METAP2: variants seen among roughly 807,000 people sequenced by gnomAD.
METAP2 encodes the protein methionine aminopeptidase 2.
In METAP2, 25 loss-of-function variants were observed where a neutral mutation model predicts 59.4. The ratio of observed to expected loss-of-function variants is 0.42; its 90% CI spans 0.31 to 0.59. The LOEUF (loss-of-function observed/expected upper bound fraction) is 0.59. Ranked by LOEUF, METAP2 falls within the 20% of genes least tolerant of loss-of-function variation. The pLI, the probability that METAP2 is intolerant of heterozygous loss-of-function variation, is 0.16. For missense variants in METAP2, 366 were observed against 581.2 expected (o/e 0.63, Z 3.81); for synonymous variants, 214 against 194.1 (o/e 1.10, Z -0.85).
At chr12:95,488,117 G>A (rs1478709174) in intron 4 of METAP2, among the ~76,000 whole-genome samples, 2 of 151,922 alleles carry the variant, frequency 1.3e-5, no homozygotes, top group Non-Finnish European at 2.9e-5. Context: ...TAGTGATTTC[G>A]AGCATCTTTT....
chr12:95,513,967 GAATT>G lies in METAP2; in HGVS notation c.*68_*71del. On this transcript the variant is annotated 3_prime_UTR_variant, in exon 11 of 11. Transcript: ENST00000323666. ...AGCTTTGTTGGAAAACATGATACCA[GAATT>G]AATTTGCCACATGTTGTCTGTTTTA... 1 of 1,517,590 alleles carries G rather than the reference GAATT, an allele frequency of 6.6e-7. No individual in the cohort carries two copies. Among genetic ancestry groups the G allele is most frequent in the East Asian group, 2.3e-5 (1 of 43,990 alleles). The allele number at this position is 1,517,590 out of a possible 1,614,324, so 94.0% of individuals were successfully genotyped here.
At chr12:95,484,711 CTTTT>C in intron 3 of METAP2, 2 of 340,622 alleles carry the variant, frequency 5.9e-6, no homozygotes, top group Non-Finnish European at 5.6e-6. Flanking sequence ...ATGAGGTACT[CTTTT>C]TTTTTTCTGC....
intron 8 of METAP2, among the ~76,000 whole-genome samples, chr12:95,508,562 G>C (rs2076379061): frequency 6.6e-6 from 1 of 152,156 alleles, no homozygotes; most frequent in Non-Finnish European, 1.5e-5. Flanking sequence ...CTGCTTGGGG[G>C]ACTACCTCTA....
intron 7 of METAP2, among the ~76,000 whole-genome samples, chr12:95,503,696 A>C (rs1050372787): frequency 6.6e-6 from 1 of 152,220 alleles, no homozygotes; most frequent in African/African-American, 2.4e-5. Flanking sequence ...ACACGAGCCA[A>C]CCATGAGTTT....
chr12:95,490,989 T>C, intron 4 of METAP2, among the ~76,000 whole-genome samples: 1 of 152,176 alleles, frequency 6.6e-6, no homozygotes, highest in East Asian at 1.9e-4. Context: ...GACCTTCACA[T>C]TGTACCATAT....
intron 8 of METAP2, among the ~76,000 whole-genome samples, chr12:95,510,614 A>T (rs2076395408): frequency 6.6e-6 from 1 of 152,180 alleles, no homozygotes; most frequent in Admixed American, 6.5e-5. Context: ...TGAAATTCCC[A>T]ATACATGACC....
intron 4 of METAP2, among the ~76,000 whole-genome samples, chr12:95,487,418 A>G (rs984056087): frequency 1.3e-5 from 2 of 152,116 alleles, no homozygotes; most frequent in Non-Finnish European, 2.9e-5. Flanking sequence ...GAATAAGTGT[A>G]AAGTTCTGGA....
chr12:95,502,548 G>A (rs371410666), intron 7 of METAP2, among the ~76,000 whole-genome samples: 15 of 152,092 alleles, frequency 9.9e-5, no homozygotes, highest in South Asian at 4.2e-4. Context: ...TTTTGTGTGT[G>A]TGTGTGGGGG....
intron 2 of METAP2, among the ~76,000 whole-genome samples, chr12:95,480,412 G>GT (rs1161679512): frequency 6.6e-6 from 1 of 152,184 alleles, no homozygotes; most frequent in African/African-American, 2.4e-5. Flanking sequence ...CTGTCATATG[G>GT]TAAGTATGTG....
At chr12:95,487,865 G>A (rs1310263477) in intron 4 of METAP2, among the ~76,000 whole-genome samples, 1 of 151,960 alleles carries the variant, frequency 6.6e-6, no homozygotes, top group Admixed American at 6.6e-5. Flanking sequence ...ATAATATTCC[G>A]TGGTGTGAGT....
rs543747953 is a variant in METAP2 at position 95,478,568 on chromosome 12, GT to G, written c.259+2392del. On this transcript the variant is annotated intron_variant, in intron 2 of 10. Transcript: ENST00000323666. The stretch of plus-strand genomic sequence containing the variant: ...AATTGCTTGAACCCAGGAGGTGGAG[GT>G]TGCTGTCAGTGGAGGTTGCGCCATT... 3.3e-3 allele frequency among the ~76,000 whole-genome samples: 505 copies of G among 152,074 alleles called. 1 individual carries two copies. Among genetic ancestry groups the G allele is most frequent in the African/African-American group, 0.012 (480 of 41,480 alleles).
chr12:95,511,936 T>TATAG lies in METAP2; in HGVS notation c.1008_1011dup (p.Ile338Ter). ...TCTAAATGGACATTCAATTGGGCAA[T>TATAG]ATAGAATACATGCTGGAAAAACAGT... On this transcript the variant is annotated frameshift_variant, in exon 9 of 11. Transcript: ENST00000323666. LOFTEE classifies it high-confidence loss of function. The TATAG allele has an allele frequency of 6.2e-7, 1 of 1,613,644 alleles. No individual in the cohort carries two copies. The highest frequency in any genetic ancestry group is 8.5e-7 in the Non-Finnish European group (1 of 1,179,732).
Position 95,512,872 on chromosome 12 carries a change from T to C in METAP2, c.1140T>C (p.Cys380=), listed in dbSNP as rs868375084. 1 of 1,613,424 alleles carries C rather than the reference T, an allele frequency of 6.2e-7. No homozygotes were observed. Among genetic ancestry groups the C allele is most frequent in the South Asian group, 1.1e-5 (1 of 90,994 alleles). ...GKGVVHDDME[C]SHYMKNFDVG... The stretch of plus-strand genomic sequence containing the variant: ...GTGTTGTTCATGATGATATGGAATG[T>C]TCACATTACATGAAAAATTTTGATG... Residue 380 remains cysteine, a synonymous_variant, in exon 10 of 11, where the codon TGT becomes TGC. Coordinates refer to ENST00000323666, the MANE Select transcript of METAP2 (RefSeq NM_006838.4).
intron 8 of METAP2, among the ~76,000 whole-genome samples, chr12:95,506,556 C>T (rs2140162991): frequency 6.6e-6 from 1 of 152,094 alleles, no homozygotes; most frequent in South Asian, 2.1e-4. Flanking sequence ...GCCTCGGCTT[C>T]CCACAGTGCT....
Position 95,510,750 on chromosome 12 carries a change from G to A in METAP2, c.965-1145G>A, listed in dbSNP as rs1249518475. Among the ~76,000 whole-genome samples, 3 of 152,146 alleles carry A rather than the reference G, an allele frequency of 2.0e-5. No homozygotes were observed. The East Asian group carries it at 5.8e-4, about 29-fold the overall frequency. ...CAGGTCTTAGAGAAATAGTAATGATGTCTGAATTTTAAAATATATTTAGCT... is the reference window on the plus strand; with the variant it reads ...CAGGTCTTAGAGAAATAGTAATGATATCTGAATTTTAAAATATATTTAGCT... On this transcript the variant is annotated intron_variant, in intron 8 of 10. Transcript: ENST00000323666.
At chr12:95,482,161 G>T (rs947925020) in intron 2 of METAP2, 3 of 452,422 alleles carry the variant, frequency 6.6e-6, no homozygotes, top group South Asian at 4.7e-5. Flanking sequence ...CCAGGCTGAC[G>T]TGCTGTGGCT....
In METAP2 at chr12:95,514,202, A is replaced by C. The variant is rs2076427099; in HGVS notation, c.*298A>C. On this transcript the variant is annotated 3_prime_UTR_variant, in exon 11 of 11. Coordinates refer to ENST00000323666, the MANE Select transcript of METAP2 (RefSeq NM_006838.4). ...GTTTTGTTTTGAATACCTAAGAGAT[A>C]CTTTTTGGATATTTATATTGCCATA... 2 of 325,344 alleles carry C rather than the reference A, an allele frequency of 6.1e-6. No individual in the cohort carries two copies. The highest frequency in any genetic ancestry group is 1.7e-4 in the South Asian group (2 of 11,470). 20.2% of individuals were successfully genotyped at this position (325,344 alleles called of 1,614,324 possible).
At chr12:95,501,544 G>A (rs1159530718) in intron 7 of METAP2, among the ~76,000 whole-genome samples, 4 of 151,932 alleles carry the variant, frequency 2.6e-5, no homozygotes, top group Non-Finnish European at 4.4e-5. Flanking sequence ...GTGAAACCCC[G>A]TCTCTACTAA....
intron 7 of METAP2, among the ~76,000 whole-genome samples, chr12:95,497,582 A>G (rs1204532044): frequency 6.6e-6 from 1 of 152,208 alleles, no homozygotes; most frequent in Non-Finnish European, 1.5e-5. Flanking sequence ...ATTCTTGGGT[A>G]TATACCCAGA....
Sources: allele counts gnomAD v4.1 joint callset (sites outside exome capture counted in the v4.1 genomes callset), GRCh38; gene constraint gnomAD v4.1.1; transcripts MANE v1.5; gene names NCBI Gene and HGNC (gene_info 2026-07-23, HGNC 2026-07-21).